The following NDUFA5 variants were observed in gnomAD, a reference collection of about 807,000 sequenced individuals.
NDUFA5 encodes NADH:ubiquinone oxidoreductase subunit A5, also known as NADH dehydrogenase [ubiquinone] 1 alpha subcomplex subunit 5.
NDUFA5 carries 11 observed loss-of-function variants against 19.8 expected under a neutral mutation model. The ratio of observed to expected loss-of-function variants is 0.56; its 90% CI spans 0.35 to 0.92. The LOEUF (loss-of-function observed/expected upper bound fraction) is 0.92, where lower values mean the gene tolerates loss of function less well. NDUFA5 is among the 40% of genes least tolerant of loss of function. NDUFA5 has a pLI of 0.01. For synonymous variants in NDUFA5, 47 were observed against 46.8 expected (o/e 1.00, Z -0.01); for missense variants, 109 against 134.2 (o/e 0.81, Z 0.93).
At chr7:123,591,628 C>T in the NDUFA5 span, among the ~76,000 whole-genome samples, 1 of 152,178 alleles carries the variant, frequency 6.6e-6, no homozygotes, top group Non-Finnish European at 1.5e-5. Flanking sequence ...ATGAACCAGA[C>T]TTGCATCCCA....
chr7:123,578,044 C>A, the NDUFA5 span, among the ~76,000 whole-genome samples: 1 of 150,986 alleles, frequency 6.6e-6, no homozygotes, highest in African/African-American at 2.4e-5. Flanking sequence ...CCTCCCCTAG[C>A]CCCCCACCCC....
chr7:123,596,464 T>C, the NDUFA5 span: 2 of 151,682 alleles, frequency 1.3e-5, no homozygotes, highest in African/African-American at 4.8e-5. Context: ...AAAAAAAAAT[T>C]AGCCAGATGT....
At chr7:123,600,358 C>T in the NDUFA5 span, among the ~76,000 whole-genome samples, 10,956 of 152,104 alleles carry the variant, frequency 0.072, 445 homozygotes, top group African/African-American at 0.093. Flanking sequence ...ATTATATAAA[C>T]GGATAAAACA....
At chr7:123,598,821 A>G in the NDUFA5 span, 2 of 152,194 alleles carry the variant, frequency 1.3e-5, no homozygotes, top group Non-Finnish European at 2.9e-5. Context: ...CTACATGGCA[A>G]CTAAATGACC....
In NDUFA5 at chr7:123,541,541, A is replaced by G. The variant is rs1209716078; in HGVS notation, c.*578T>C. Reference sequence around the variant, plus strand: ...ATGGTATAATTCAATAATGACTAAAATAAAATGACACTATGGATTTTGTAA... The same window carrying G: ...ATGGTATAATTCAATAATGACTAAAGTAAAATGACACTATGGATTTTGTAA... On this transcript the variant is annotated 3_prime_UTR_variant, in exon 5 of 5. Coordinates refer to ENST00000355749, the MANE Select transcript of NDUFA5 (RefSeq NM_005000.5). 1 of 152,230 alleles carries G rather than the reference A, an allele frequency of 6.6e-6. No individual in the cohort carries two copies. The allele number at this position is 152,230 out of a possible 1,614,324, so 9.4% of individuals were successfully genotyped here.
the NDUFA5 span, among the ~76,000 whole-genome samples, chr7:123,577,274 T>C: frequency 2.6e-5 from 4 of 152,292 alleles, no homozygotes; most frequent in Admixed American, 2.6e-4. Flanking sequence ...AAAATAATAA[T>C]TGTGCTATGT....
intron 4 of NDUFA5, among the ~76,000 whole-genome samples, chr7:123,543,218 G>A (rs995716273): frequency 6.6e-5 from 10 of 152,134 alleles, no homozygotes; most frequent in Non-Finnish European, 1.5e-4. Flanking sequence ...TATTTCCTAA[G>A]GTTGCCCTGG....
At chr7:123,582,422 G>A in the NDUFA5 span, among the ~76,000 whole-genome samples, 24 of 152,076 alleles carry the variant, frequency 1.6e-4, no homozygotes, top group South Asian at 4.1e-4. Flanking sequence ...CACCGTCCTG[G>A]AGGAAGAAAT....
intron 2 of NDUFA5, chr7:123,556,670 T>C (rs1798559488): frequency 2.7e-6 from 1 of 369,208 alleles, no homozygotes; most frequent in Non-Finnish European, 5.2e-6. Flanking sequence ...ACCATTGGAT[T>C]TGGCAACATG....
chr7:123,544,559 G>A (rs1440309202), intron 4 of NDUFA5, among the ~76,000 whole-genome samples: 1 of 146,104 alleles, frequency 6.8e-6, no homozygotes, highest in Non-Finnish European at 1.5e-5. Context: ...CCCCATTTGA[G>A]AGGCAAAAGC....
At chr7:123,581,821 A>G in the NDUFA5 span, among the ~76,000 whole-genome samples, 3 of 151,980 alleles carry the variant, frequency 2.0e-5, 1 homozygote, top group Admixed American at 1.3e-4. Flanking sequence ...GTCACTCCCA[A>G]GACTGTCAAG....
chr7:123,589,245 G>A, the NDUFA5 span, among the ~76,000 whole-genome samples: 2 of 151,194 alleles, frequency 1.3e-5, no homozygotes, highest in Non-Finnish European at 3.0e-5. Flanking sequence ...AATTACAATT[G>A]TTATTTTCTC....
intron 4 of NDUFA5, among the ~76,000 whole-genome samples, chr7:123,542,460 A>G (rs543801989): frequency 1.3e-5 from 2 of 152,218 alleles, no homozygotes; most frequent in South Asian, 4.2e-4. Flanking sequence ...TAGTGTTTAA[A>G]AGTTTAGCTG....
chr7:123,558,321 C>T (rs1044158100), upstream of NDUFA5: 1 of 155,010 alleles, frequency 6.5e-6, no homozygotes, highest in Non-Finnish European at 1.4e-5. Context: ...CATTTTCCAT[C>T]GCTCTTTTCG....
chr7:123,576,703 A>G, the NDUFA5 span, among the ~76,000 whole-genome samples: 1 of 152,146 alleles, frequency 6.6e-6, no homozygotes, highest in Non-Finnish European at 1.5e-5. Flanking sequence ...ATGCTGCAGT[A>G]AAAGAAAACA....
At chr7:123,596,667 G>T in the NDUFA5 span, among the ~76,000 whole-genome samples, 223 of 152,038 alleles carry the variant, frequency 1.5e-3, 2 homozygotes, top group Admixed American at 4.8e-3. Context: ...AGAAAAATTT[G>T]AATTTATTGT....
the NDUFA5 span, among the ~76,000 whole-genome samples, chr7:123,574,734 A>AAAAG: frequency 6.6e-6 from 1 of 152,142 alleles, no homozygotes; most frequent in South Asian, 2.1e-4. Flanking sequence ...TACTTTGTTC[A>AAAAG]AAAGATCTTA....
the NDUFA5 span, among the ~76,000 whole-genome samples, chr7:123,589,252 T>C: frequency 6.6e-5 from 10 of 151,576 alleles, no homozygotes; most frequent in East Asian, 1.9e-3. Context: ...ATTGTTATTT[T>C]CTCTTGATAA....
At chr7:123,598,980 T>A in the NDUFA5 span, 1 of 152,172 alleles carries the variant, frequency 6.6e-6, no homozygotes, top group Admixed American at 6.5e-5. Flanking sequence ...AATAAACAAT[T>A]ACCAAGGTTC....
Sources: allele counts gnomAD v4.1 joint callset (sites outside exome capture counted in the v4.1 genomes callset), GRCh38; gene constraint gnomAD v4.1.1; transcripts MANE v1.5; gene names NCBI Gene and HGNC (gene_info 2026-07-23, HGNC 2026-07-21).